ANKS1A: variants seen among roughly 807,000 people sequenced by gnomAD.
ANKS1A encodes ankyrin repeat and sterile alpha motif domain containing 1A.
A neutral mutation model predicts 120.3 loss-of-function variants in ANKS1A; 55 were observed. The observed-to-expected ratio is 0.46, with a 90% CI of 0.37 to 0.57. ANKS1A has a LOEUF of 0.57. Ranked by LOEUF, ANKS1A falls within the 20% of genes least tolerant of loss-of-function variation. The probability of loss-of-function intolerance (pLI) is 0.00; values close to 1 mark genes in which losing one functional copy is unlikely to be tolerated. For synonymous variants in ANKS1A, 590 were observed against 604.7 expected, an observed-to-expected ratio of 0.98 and a Z score of 0.36; for missense variants, 1,123 against 1,480.3, an observed-to-expected ratio of 0.76 and a Z score of 3.96.
intron 11 of ANKS1A, among the ~76,000 whole-genome samples, chr6:35,049,823 C>T (rs369186068): frequency 6.6e-6 from 1 of 152,244 alleles, no homozygotes; most frequent in African/African-American, 2.4e-5. Flanking sequence ...GGCCCCATGT[C>T]GTAGCCCTGC....
At chr6:34,968,582 C>A (rs534712304) in intron 2 of ANKS1A, among the ~76,000 whole-genome samples, 66 of 152,150 alleles carry the variant, frequency 4.3e-4, no homozygotes, top group African/African-American at 1.5e-3. Flanking sequence ...GGATTACAGG[C>A]GCCCGCCACC....
chr6:35,076,073 T>C (rs1312994890), intron 13 of ANKS1A, among the ~76,000 whole-genome samples: 1 of 152,190 alleles, frequency 6.6e-6, no homozygotes, highest in Non-Finnish European at 1.5e-5. Context: ...CCAATTTTCT[T>C]ATTATGTAAA....
At chr6:35,055,164 G>A (rs556815943) in intron 12 of ANKS1A, among the ~76,000 whole-genome samples, 31 of 152,250 alleles carry the variant, frequency 2.0e-4, no homozygotes, top group Non-Finnish European at 3.5e-4. Context: ...TGGTGGGGAC[G>A]GGCTGGGCTC....
chr6:34,970,227 T>C lies in ANKS1A; in HGVS notation c.435+61T>C, dbSNP rs571190802. The C allele has an allele frequency of 2.0e-6, 3 of 1,530,558 alleles. No individual in the cohort carries two copies. In the South Asian group the frequency reaches 3.7e-5, roughly 19 times the overall value. The allele number at this position is 1,530,558 out of a possible 1,614,324, so 94.8% of individuals were successfully genotyped here. On this transcript the variant is annotated intron_variant, in intron 3 of 23. Transcript: ENST00000360359. ...GCTATAGCCAGATGTGGCAACCCCA[T>C]CACCATCTTAGCCCCATAGTTCAAA...
intron 1 of ANKS1A, among the ~76,000 whole-genome samples, chr6:34,932,638 A>G (rs1251177425): frequency 6.6e-6 from 1 of 152,056 alleles, no homozygotes; most frequent in Non-Finnish European, 1.5e-5. Context: ...ATCCGTCTCA[A>G]CCTCCCAAAG....
intron 11 of ANKS1A, among the ~76,000 whole-genome samples, chr6:35,034,765 T>G (rs1179479064): frequency 6.6e-6 from 1 of 152,172 alleles, no homozygotes; most frequent in African/African-American, 2.4e-5. Flanking sequence ...TGAAGTGAGC[T>G]TGGTCAGAGG....
chr6:34,969,765 C>T (rs1771087438), intron 2 of ANKS1A, among the ~76,000 whole-genome samples: 1 of 152,082 alleles, frequency 6.6e-6, no homozygotes, highest in South Asian at 2.1e-4. Flanking sequence ...GACGGATTAC[C>T]AAGAAAGCCT....
chr6:35,074,789 GGGGCTCTCTTCACCT>G (rs936313138), intron 13 of ANKS1A, among the ~76,000 whole-genome samples: 1 of 152,206 alleles, frequency 6.6e-6, no homozygotes, highest in African/African-American at 2.4e-5. Flanking sequence ...GCCTGGCTTT[GGGGCTCTCTTCACCT>G]GGGCTCTCTG....
chr6:34,964,210 C>T (rs184883911), intron 1 of ANKS1A, among the ~76,000 whole-genome samples: 1 of 152,216 alleles, frequency 6.6e-6, no homozygotes. Flanking sequence ...GTTTTATTAA[C>T]ATTTTGACTT....
At chr6:34,906,486 C>T (rs1481890243) in intron 1 of ANKS1A, among the ~76,000 whole-genome samples, 1 of 152,186 alleles carries the variant, frequency 6.6e-6, no homozygotes, top group East Asian at 1.9e-4. Flanking sequence ...GAACACAAAA[C>T]TTGACAACTC....
At position 34,967,331 on chromosome 6, in the gene ANKS1A, T is replaced by A. The variant is rs1032610789; in HGVS notation, c.278+12T>A. On this transcript the variant is annotated intron_variant, in intron 2 of 23. Coordinates refer to ENST00000360359, the MANE Select transcript of ANKS1A (RefSeq NM_015245.3). The stretch of plus-strand genomic sequence containing the variant: ...TTGAATGGCCATAAGTAAGTATCAA[T>A]GTACTACATTCCTGCCTTCACCCTT... 1 of 1,612,782 alleles carries A rather than the reference T, an allele frequency of 6.2e-7. No homozygotes were observed. Among genetic ancestry groups the A allele is most frequent in the African/African-American group, 1.3e-5 (1 of 74,926 alleles).
At chr6:35,078,496 C>G in intron 13 of ANKS1A, 62 bp from the exon 14 acceptor site, 2 of 1,505,606 alleles carry the variant, frequency 1.3e-6, no homozygotes, top group Non-Finnish European at 1.8e-6. Context: ...CCCACCTGAC[C>G]CCCTCAGGGC....
At chr6:34,943,891 C>G (rs573554626) in intron 1 of ANKS1A, among the ~76,000 whole-genome samples, 9 of 152,300 alleles carry the variant, frequency 5.9e-5, no homozygotes, top group Non-Finnish European at 1.3e-4. Context: ...GACATAAGCT[C>G]ATTTGGGTAA....
intron 3 of ANKS1A, among the ~76,000 whole-genome samples, chr6:34,974,564 G>T (rs1417423186): frequency 2.6e-5 from 4 of 151,426 alleles, no homozygotes; most frequent in African/African-American, 4.9e-5. Flanking sequence ...TTTGTTTTTT[G>T]TTTTGGAAGT....
chr6:34,989,531 A>G (rs1406594025), intron 9 of ANKS1A, among the ~76,000 whole-genome samples: 1 of 152,230 alleles, frequency 6.6e-6, no homozygotes, highest in Non-Finnish European at 1.5e-5. Flanking sequence ...TTGATCTGCC[A>G]TACCACACGG....
chr6:34,982,725 C>A lies in ANKS1A; in HGVS notation c.733-27C>A, dbSNP rs138146972. 1.9e-6 allele frequency: 3 copies of A among 1,613,636 alleles called. No homozygotes were observed. Among genetic ancestry groups the A allele is most frequent in the Non-Finnish European group, 2.5e-6 (3 of 1,179,622 alleles). ...GCACCAAACTGTTCTGATGACATCC[C>A]GCTCTGCGCTCTCGTTTGCTTTCCA... is the stretch of plus-strand genomic sequence containing the variant. On this transcript the variant is annotated intron_variant, in intron 4 of 23. Coordinates refer to ENST00000360359, the MANE Select transcript of ANKS1A (RefSeq NM_015245.3). This position sits in a 1 kb window ranked among gnomAD's most constrained non-coding sequence, Gnocchi z 4.9.
intron 1 of ANKS1A, among the ~76,000 whole-genome samples, chr6:34,925,186 A>G (rs917012103): frequency 6.6e-6 from 1 of 152,168 alleles, no homozygotes; most frequent in Admixed American, 6.5e-5. Context: ...CTATCTTAGT[A>G]GGCTTTTTCT....
intron 13 of ANKS1A, among the ~76,000 whole-genome samples, chr6:35,070,521 A>T (rs2820225): frequency 7.3e-6 from 1 of 137,342 alleles, no homozygotes; most frequent in African/African-American, 2.8e-5. Flanking sequence ...AGACAGTCTC[A>T]CTCTGTTGCC....
intron 11 of ANKS1A, among the ~76,000 whole-genome samples, chr6:35,038,842 T>C (rs1324833450): frequency 1.3e-5 from 2 of 152,214 alleles, no homozygotes; most frequent in Non-Finnish European, 2.9e-5. Context: ...AAGGGATAGT[T>C]TTCATGTTGA....
Sources: gnomAD v4.1 joint callset for allele counts (sites outside exome capture counted in the v4.1 genomes callset) on GRCh38, gnomAD v4.1.1 for gene constraint, Gnocchi (gnomAD v3.1) non-coding constraint, MANE v1.5 for transcripts, NCBI Gene and HGNC (gene_info 2026-07-23, HGNC 2026-07-21) for gene names.